CDK8: variants seen among roughly 807,000 people sequenced by gnomAD.
CDK8 encodes cyclin-dependent kinase 8.
CDK8 carries 29 observed loss-of-function variants against 71.5 expected under a neutral mutation model. The ratio of observed to expected loss-of-function variants is 0.41; its 90% CI spans 0.30 to 0.55. CDK8 has a LOEUF of 0.55. Among genes scored for constraint, CDK8 ranks in the 20% least tolerant of loss-of-function variants. The pLI is 0.37. For synonymous variants in CDK8, 161 were observed against 192.1 expected (o/e 0.84, Z 1.34); for missense variants, 288 against 572.6 (o/e 0.50, Z 5.07).
Position 26,348,325 on chromosome 13 carries a change from A to G in CDK8, c.205-747A>G, listed in dbSNP as rs993710579. On this transcript the variant is annotated intron_variant, in intron 2 of 12. Coordinates refer to ENST00000381527, the MANE Select transcript of CDK8 (RefSeq NM_001260.3). ...CAGGGGTCCCTGCGTCAGCACCGGT[A>G]CGTTAGGAATTGGGCCGTACAGCAG... 6.6e-5 allele frequency among the ~76,000 whole-genome samples: 10 copies of G among 152,126 alleles called. No homozygotes were observed. The South Asian group carries it at 1.0e-3, about 16-fold the overall frequency.
intron 6 of CDK8, among the ~76,000 whole-genome samples, chr13:26,388,292 C>A (rs1029400737): frequency 2.0e-5 from 3 of 152,056 alleles, no homozygotes; most frequent in African/African-American, 4.8e-5. Flanking sequence ...ATTATTAATA[C>A]AATATTTAGT....
chr13:26,323,130 T>C (rs964494428), intron 1 of CDK8, among the ~76,000 whole-genome samples: 4 of 152,304 alleles, frequency 2.6e-5, no homozygotes, highest in African/African-American at 9.6e-5. Flanking sequence ...CCTTCATCTC[T>C]GTCTTAGTCT....
rs553508554 is a variant in CDK8, at chr13:26,361,784, CTTTTTTTTTTTTT to C, written c.456+7921_456+7933del. 4.3e-4 allele frequency among the ~76,000 whole-genome samples: 27 copies of C among 63,348 alleles called. No homozygotes were observed. In the East Asian group the frequency reaches 8.2e-3, roughly 19 times the overall value. The allele number at this position is 63,348 out of a possible 152,430, so 41.6% of individuals were successfully genotyped here. A position where few individuals can be genotyped will look rare whatever the true frequency, so the allele number is the denominator to read the frequency against. On this transcript the variant is annotated intron_variant, in intron 4 of 12. Transcript: ENST00000381527. ...TCTTTTTGTCTTTCTTTTCTTTTCC[CTTTTTTTTTTTTT>C]TTTTTTTTTTTTTTTTGAGACAGGG...
intron 1 of CDK8, among the ~76,000 whole-genome samples, chr13:26,307,522 G>A (rs1242608518): frequency 1.3e-5 from 2 of 152,168 alleles, no homozygotes; most frequent in African/African-American, 4.8e-5. Flanking sequence ...GAAGAATGCA[G>A]TCCTGCTGGT....
intron 1 of CDK8, among the ~76,000 whole-genome samples, chr13:26,266,052 G>A (rs1872004731): frequency 6.6e-6 from 1 of 151,132 alleles, no homozygotes; most frequent in Non-Finnish European, 1.5e-5. Flanking sequence ...GGATATGATA[G>A]ATGAACAAGT....
Position 26,268,256 on chromosome 13 carries a change from AACACACACACACAC to A in CDK8, c.128+13527_128+13540del, listed in dbSNP as rs3027999. On this transcript the variant is annotated intron_variant, in intron 1 of 12. Transcript: ENST00000381527. ...TGAAAGTTTTGCTCCCCCCTCCCCC[AACACACACACACAC>A]ACACACACACACACACACACACACA... 4.4e-3 allele frequency among the ~76,000 whole-genome samples: 511 copies of A among 116,788 alleles called. 2 individuals carry two copies. The highest frequency in any genetic ancestry group is 0.013 in the African/African-American group (374 of 28,242). 76.6% of individuals were successfully genotyped at this position (116,788 alleles called of 152,430 possible). A position where few individuals can be genotyped will look rare whatever the true frequency, so the allele number is the denominator to read the frequency against.
intron 9 of CDK8, 89 bp from the exon 10 acceptor site, chr13:26,400,364 C>A: frequency 1.3e-6 from 1 of 782,826 alleles, no homozygotes; most frequent in Non-Finnish European, 2.2e-6. Flanking sequence ...TGATGTTATT[C>A]ACCAAAAAAT....
chr13:26,325,841 A>G (rs1874995454), intron 1 of CDK8, among the ~76,000 whole-genome samples: 1 of 152,174 alleles, frequency 6.6e-6, no homozygotes, highest in African/African-American at 2.4e-5. Context: ...TGTTCAATGA[A>G]ATACAGATCT....
intron 4 of CDK8, among the ~76,000 whole-genome samples, chr13:26,363,179 T>A (rs1188365873): frequency 1.3e-5 from 2 of 148,750 alleles, no homozygotes; most frequent in East Asian, 2.0e-4. Flanking sequence ...AATGGAAAAA[T>A]TAGCCAGGTG....
At chr13:26,368,517 T>C (rs57759520) in intron 4 of CDK8, among the ~76,000 whole-genome samples, 7,967 of 152,262 alleles carry the variant, frequency 0.052, 238 homozygotes, top group South Asian at 0.11. Context: ...CAATTTACTA[T>C]CACACCACGG....
At chr13:26,345,583 A>G (rs1243470017) in intron 2 of CDK8, among the ~76,000 whole-genome samples, 1 of 152,102 alleles carries the variant, frequency 6.6e-6, no homozygotes, top group Non-Finnish European at 1.5e-5. Context: ...GGGTTTCACC[A>G]TGTTGGCCAG....
chr13:26,377,183 T>C (rs1874994646), intron 4 of CDK8, among the ~76,000 whole-genome samples: 1 of 152,260 alleles, frequency 6.6e-6, no homozygotes, highest in African/African-American at 2.4e-5. Context: ...TGGCACATTC[T>C]GAGTGCTCCC....
chr13:26,373,087 A>G (rs1237849439), intron 4 of CDK8, among the ~76,000 whole-genome samples: 2 of 152,174 alleles, frequency 1.3e-5, no homozygotes, highest in African/African-American at 2.4e-5. Context: ...CTTAGGTACC[A>G]CATACGTAAG....
At chr13:26,314,896 T>G (rs1874439077) in intron 1 of CDK8, among the ~76,000 whole-genome samples, 1 of 152,222 alleles carries the variant, frequency 6.6e-6, no homozygotes, top group African/African-American at 2.4e-5. Flanking sequence ...ATTTGTCATT[T>G]AGAAGTATTT....
Position 26,401,481 on chromosome 13 carries a change from C to G in CDK8, c.1126C>G (p.Gln376Glu), listed in dbSNP as rs2138075405. ...DKGDKKNQQQ[Q>E]QGNNHTNGTG... Reference sequence around the variant, plus strand: ...ACCAATTGAGAAGAACCAGCAGCAGCAGCAGGGCAATAACCACACTAATGG... The same window carrying G: ...ACCAATTGAGAAGAACCAGCAGCAGGAGCAGGGCAATAACCACACTAATGG... Residue 376 changes from glutamine to glutamate, a missense_variant, in exon 12 of 13, where the codon CAG becomes GAG. Coordinates refer to ENST00000381527, the MANE Select transcript of CDK8 (RefSeq NM_001260.3). The surrounding 1 kb of genome is among the most constrained non-coding windows in gnomAD (Gnocchi z 4.5). The G allele has an allele frequency of 6.2e-7, 1 of 1,614,160 alleles. No individual in the cohort carries two copies. Among genetic ancestry groups the G allele is most frequent in the Non-Finnish European group, 8.5e-7 (1 of 1,180,018 alleles).
Position 26,382,568 on chromosome 13 carries a change from T to TA in CDK8, c.457-244dup, listed in dbSNP as rs1875277859. ...CTTGCCAGTAGTGAAAACAGACTGA[T>TA]AAGAGGGCCAAGAAAAGCCTCAGCC... On this transcript the variant is annotated intron_variant, in intron 4 of 12. Transcript: ENST00000381527. Among the ~76,000 whole-genome samples, 2 of 152,162 alleles carry TA rather than the reference T, an allele frequency of 1.3e-5. 1 individual carries two copies. Among genetic ancestry groups the TA allele is most frequent in the East Asian group, 3.9e-4 (2 of 5,194 alleles).
chr13:26,281,850 G>T (rs897643707), intron 1 of CDK8, among the ~76,000 whole-genome samples: 1 of 151,518 alleles, frequency 6.6e-6, no homozygotes, highest in Admixed American at 6.6e-5. Context: ...GTATTCCAGA[G>T]AAATAAATAT....
chr13:26,278,573 T>C (rs1872635066), intron 1 of CDK8, among the ~76,000 whole-genome samples: 1 of 152,196 alleles, frequency 6.6e-6, no homozygotes, highest in Non-Finnish European at 1.5e-5. Flanking sequence ...CAGGAAGCTA[T>C]GCGGAGCAAG....
intron 8 of CDK8, 111 bp from the exon 9 acceptor site, chr13:26,397,042 A>G (rs1404532354): frequency 4.4e-6 from 3 of 676,862 alleles, no homozygotes; most frequent in Admixed American, 2.9e-5. Flanking sequence ...AGTGTTTTCA[A>G]TATATATTTT....
Sources: gnomAD v4.1 joint callset for allele counts (sites outside exome capture counted in the v4.1 genomes callset) on GRCh38, gnomAD v4.1.1 for gene constraint, Gnocchi (gnomAD v3.1) non-coding constraint, MANE v1.5 for transcripts, NCBI Gene and HGNC (gene_info 2026-07-23, HGNC 2026-07-21) for gene names.